Variants in GGNBP2 observed in about 807,000 individuals in gnomAD.
GGNBP2 encodes gametogenetin binding protein 2.
Under a neutral mutation model 85.9 loss-of-function variants are expected in GGNBP2, and 10 were observed. The ratio of observed to expected loss-of-function variants is 0.12; its 90% CI spans 0.07 to 0.20. The LOEUF (loss-of-function observed/expected upper bound fraction) is 0.20. Among genes scored for constraint, GGNBP2 ranks in the 10% least tolerant of loss-of-function variants. GGNBP2 has a pLI of 1.00. For missense variants in GGNBP2, 595 were observed against 857.8 expected (o/e 0.69, Z 3.83); for synonymous variants, 287 against 285.7 (o/e 1.00, Z -0.05).
intron 6 of GGNBP2, chr17:36,577,089 A>T (rs1370342081): frequency 2.6e-5 from 4 of 152,186 alleles, no homozygotes; most frequent in Non-Finnish European, 2.9e-5. Flanking sequence ...GATGAATTTA[A>T]ATCAAAGAGA....
Position 36,545,771 on chromosome 17 carries a change from C to T in GGNBP2, c.47C>T (p.Pro16Leu). The T allele has an allele frequency of 1.3e-6, 2 of 1,583,702 alleles. No homozygotes were observed. Among genetic ancestry groups the T allele is most frequent in the Non-Finnish European group, 1.7e-6 (2 of 1,165,562 alleles). The change falls in exon 2 of 14, where the codon CCC becomes CTC. Residue 16 changes from proline to leucine, a missense_variant. Physicochemically the swap from Pro to Leu is moderately conservative, Grantham distance 98. This residue lies in a region of GGNBP2 where 216 missense variants were observed against 293.4 expected (regional missense o/e 0.74). Coordinates refer to ENST00000613102, the MANE Select transcript of GGNBP2 (RefSeq NM_024835.5). ...AVCRDGEEEF[P>L]FERRQIPLYI... The stretch of plus-strand genomic sequence containing the variant: ...TGCAGGGACGGGGAGGAGGAGTTCC[C>T]CTTCGAGAGGAGGCAGATTCCCCTC...
At chr17:36,579,484 T>G (rs78653712) in intron 8 of GGNBP2, 65 bp downstream of exon 8, 10 of 1,411,826 alleles carry the variant, frequency 7.1e-6, no homozygotes, top group Non-Finnish European at 5.0e-6. Flanking sequence ...TGAATCTTAA[T>G]GTAAGCCACC....
At position 36,578,316 on chromosome 17, in the gene GGNBP2, A is replaced by G. The variant is rs2074611979; in HGVS notation, c.845+130A>G. On this transcript the variant is annotated intron_variant, in intron 7 of 13. Coordinates refer to ENST00000613102, the MANE Select transcript of GGNBP2 (RefSeq NM_024835.5). ...TATAAATTAAAGTATGCCTGTAAAG[A>G]TTTTGCTTCTCTTTAAAGTATGCAT... The G allele has an allele frequency of 1.2e-5, 8 of 685,578 alleles. 1 individual carries two copies. The South Asian group carries it at 1.8e-4, about 15-fold the overall frequency. 42.5% of individuals were successfully genotyped at this position (685,578 alleles called of 1,614,324 possible). A position where few individuals can be genotyped will look rare whatever the true frequency, so the allele number is the denominator to read the frequency against.
intron 4 of GGNBP2, among the ~76,000 whole-genome samples, chr17:36,558,874 C>T (rs115366249): frequency 0.026 from 3,916 of 151,854 alleles, 65 homozygotes; most frequent in South Asian, 0.064. Context: ...GAATGAATGA[C>T]GGCTTTGGAG....
intron 2 of GGNBP2, chr17:36,546,785 T>G (rs958465696): frequency 2.0e-5 from 3 of 152,254 alleles, no homozygotes; most frequent in Non-Finnish European, 4.4e-5. Context: ...TCTCTTCATC[T>G]CATCAGTATT....
intron 5 of GGNBP2, among the ~76,000 whole-genome samples, chr17:36,565,839 T>G (rs1889719351): frequency 6.6e-6 from 1 of 151,522 alleles, no homozygotes; most frequent in Admixed American, 6.6e-5. Flanking sequence ...GAGGTTGCAG[T>G]GAGCCGAGAT....
chr17:36,553,749 CT>C (rs2074333566), intron 2 of GGNBP2, among the ~76,000 whole-genome samples: 2 of 152,080 alleles, frequency 1.3e-5, no homozygotes, highest in African/African-American at 4.8e-5. Flanking sequence ...GAAGGCATAT[CT>C]TTTTCCCCCA....
chr17:36,579,102 G>A, intron 7 of GGNBP2, 143 bp from the exon 8 acceptor site: 1 of 645,374 alleles, frequency 1.5e-6, no homozygotes, highest in Non-Finnish European at 2.7e-6. Context: ...TGCTTGTATA[G>A]CAACATATAC....
At chr17:36,581,622 G>A in intron 9 of GGNBP2, 84 bp downstream of exon 9, 1 of 1,031,884 alleles carries the variant, frequency 9.7e-7, no homozygotes, top group Non-Finnish European at 1.4e-6. Flanking sequence ...GCTCACGCCT[G>A]TGATCCCAGC....
At chr17:36,545,436 A>C in intron 1 of GGNBP2, 183 bp from the exon 2 acceptor site, 1 of 362,446 alleles carries the variant, frequency 2.8e-6, no homozygotes, top group Non-Finnish European at 4.9e-6. Flanking sequence ...AGAGGGAGGG[A>C]GCGCGGCGCG....
chr17:36,560,519 G>A (rs973069342), intron 4 of GGNBP2, among the ~76,000 whole-genome samples: 9 of 152,248 alleles, frequency 5.9e-5, no homozygotes, highest in African/African-American at 1.7e-4. Flanking sequence ...CCAAATAGCC[G>A]GGACTACAGG....
At chr17:36,545,581 C>A in intron 1 of GGNBP2, 38 bp from the exon 2 acceptor site, 1 of 636,144 alleles carries the variant, frequency 1.6e-6, no homozygotes, top group Non-Finnish European at 2.8e-6. Flanking sequence ...TGCTGCGCAG[C>A]GGCGGGTGCT....
At chr17:36,572,464 G>A (rs563178457) in intron 6 of GGNBP2, among the ~76,000 whole-genome samples, 6 of 152,168 alleles carry the variant, frequency 3.9e-5, no homozygotes, top group Non-Finnish European at 7.3e-5. Context: ...TGAGGTGGGC[G>A]GATTGTTTGA....
rs774539231 is a variant in GGNBP2 at position 36,586,039 on chromosome 17, G to C, written c.1493-11G>C. ...AAGAACATAAATAAGAAGGATTATTGATTTCTGCAGGTGATGACTCTTGTG... is the reference window on the plus strand; with the variant it reads ...AAGAACATAAATAAGAAGGATTATTCATTTCTGCAGGTGATGACTCTTGTG... On this transcript the variant is annotated splice_polypyrimidine_tract_variant and intron_variant, in intron 11 of 13. Coordinates refer to ENST00000613102, the MANE Select transcript of GGNBP2 (RefSeq NM_024835.5). 1.4e-5 allele frequency: 22 copies of C among 1,613,490 alleles called. No homozygotes were observed. Among genetic ancestry groups the C allele is most frequent in the Non-Finnish European group, 1.9e-5 (22 of 1,179,620 alleles).
intron 5 of GGNBP2, among the ~76,000 whole-genome samples, chr17:36,562,955 A>G (rs1349755091): frequency 2.0e-4 from 3 of 14,732 alleles, no homozygotes; most frequent in African/African-American, 1.0e-3. Context: ...CTCTGTCTCA[A>G]AAAAAAAAAA....
intron 7 of GGNBP2, chr17:36,578,802 C>G (rs964555966): frequency 3.9e-5 from 6 of 155,622 alleles, no homozygotes; most frequent in African/African-American, 1.4e-4. Context: ...GTTCTGTGAA[C>G]ACTTGTAAAG....
chr17:36,573,979 A>G (rs2074551500), intron 6 of GGNBP2, among the ~76,000 whole-genome samples: 1 of 151,518 alleles, frequency 6.6e-6, no homozygotes, highest in African/African-American at 2.4e-5. Context: ...TTTTTTTGTG[A>G]TTGAGTTCTA....
At chr17:36,575,637 TATA>T (rs2052963294) in intron 6 of GGNBP2, among the ~76,000 whole-genome samples, 13 of 73,920 alleles carry the variant, frequency 1.8e-4, no homozygotes, top group African/African-American at 5.3e-4. Flanking sequence ...TATATATATA[TATA>T]TATATATATT....
At chr17:36,546,108 C>T (rs2074251932) in intron 2 of GGNBP2, 1 of 441,908 alleles carries the variant, frequency 2.3e-6, no homozygotes, top group Non-Finnish European at 4.0e-6. Context: ...TGTCAAAGCA[C>T]ACATCTCAGA....
Sources: allele counts gnomAD v4.1 joint callset (sites outside exome capture counted in the v4.1 genomes callset), GRCh38; gene constraint gnomAD v4.1.1; regional missense constraint gnomAD v4.1.1; transcripts MANE v1.5; gene names NCBI Gene and HGNC (gene_info 2026-07-23, HGNC 2026-07-21).